Variants in VMP1 observed in about 807,000 individuals in gnomAD.
VMP1 encodes vacuole membrane protein 1, also known as ectopic P-granules autophagy protein 3 homolog.
VMP1 carries 11 observed loss-of-function variants against 56.0 expected under a neutral mutation model. The ratio of observed to expected loss-of-function variants is 0.20; its 90% confidence interval spans 0.12 to 0.32. The LOEUF is 0.32. Among genes scored for constraint, VMP1 ranks in the 10% least tolerant of loss-of-function variants. The pLI is 1.00. For missense variants in VMP1, 296 were observed against 490.3 expected (o/e 0.60, Z 3.74); for synonymous variants, 149 against 165.0 (o/e 0.90, Z 0.74).
chr17:59,782,725 A>T (rs2036867985), intron 7 of VMP1, among the ~76,000 whole-genome samples: 1 of 152,204 alleles, frequency 6.6e-6, no homozygotes, highest in African/African-American at 2.4e-5. Flanking sequence ...TGGAAATTTA[A>T]ATTTTAAGAT....
At chr17:59,792,121 T>C (rs2037253269) in intron 7 of VMP1, among the ~76,000 whole-genome samples, 1 of 151,914 alleles carries the variant, frequency 6.6e-6, no homozygotes, top group Non-Finnish European at 1.5e-5. Context: ...ACAAAAAAGT[T>C]AAAAAATTAA....
chr17:59,738,211 C>T (rs571554831), intron 4 of VMP1, among the ~76,000 whole-genome samples: 131 of 152,270 alleles, frequency 8.6e-4, no homozygotes, highest in African/African-American at 3.1e-3. Flanking sequence ...TTGATGATTA[C>T]GTTTTATTTG....
chr17:59,811,071 T>C (rs2038038007), intron 8 of VMP1, among the ~76,000 whole-genome samples: 2 of 152,250 alleles, frequency 1.3e-5, no homozygotes, highest in Non-Finnish European at 2.9e-5. Flanking sequence ...TTGTGTCACA[T>C]AGCCCTCAGA....
intron 10 of VMP1, among the ~76,000 whole-genome samples, chr17:59,822,902 CTCTG>C (rs1319224310): frequency 3.3e-5 from 5 of 151,938 alleles, no homozygotes; most frequent in East Asian, 3.9e-4. Flanking sequence ...CATAGTAAGA[CTCTG>C]TCTGTCTCTA....
At chr17:59,790,366 G>A (rs1360791460) in intron 7 of VMP1, among the ~76,000 whole-genome samples, 2 of 152,106 alleles carry the variant, frequency 1.3e-5, no homozygotes, top group African/African-American at 2.4e-5. Context: ...CCTGACATGG[G>A]TCTGCATCAA....
chr17:59,811,763 G>A lies in VMP1; in HGVS notation c.889G>A (p.Ala297Thr). The stretch of plus-strand genomic sequence containing the variant: ...CTTTGGTGCAACCCTAATTGGAAAA[G>A]CAATAATAAAAATGCATATCCAGGT... ...TFFGATLIGKAIIKMHIQKIF... is the reference protein window; with the variant it reads ...TFFGATLIGKTIIKMHIQKIF... Residue 297 changes from alanine (A) to threonine (T), a missense_variant, in exon 9 of 12, where the codon GCA becomes ACA. Transcript: ENST00000262291. 1 of 1,613,118 alleles carries A rather than the reference G, an allele frequency of 6.2e-7. No individual in the cohort carries two copies. The highest frequency in any genetic ancestry group is 8.5e-7 in the Non-Finnish European group (1 of 1,179,280).
At chr17:59,730,330 A>G (rs1238881754) in intron 1 of VMP1, among the ~76,000 whole-genome samples, 1 of 151,914 alleles carries the variant, frequency 6.6e-6, no homozygotes, top group Non-Finnish European at 1.5e-5. Flanking sequence ...CAGTGGTACA[A>G]TCATACCTCA....
chr17:59,809,332 T>C lies in VMP1; in HGVS notation c.795+456T>C, dbSNP rs1300959463. ...TTTTTTTTTTTTTTTTTTTTTTTTT[T>C]GAGACAAGAGTTTCACTTTTGTGGC... On this transcript the variant is annotated intron_variant, in intron 8 of 11. Transcript: ENST00000262291. 8.7e-4 allele frequency among the ~76,000 whole-genome samples: 68 copies of C among 78,308 alleles called. 1 individual carries two copies. The highest frequency in any genetic ancestry group is 4.7e-3 in the African/African-American group (64 of 13,484). 51.4% of individuals were successfully genotyped at this position (78,308 alleles called of 152,430 possible).
In VMP1 at chr17:59,735,515, T is replaced by TA. The variant is rs751571967; in HGVS notation, c.212+43dup. 1.9e-6 allele frequency: 3 copies of TA among 1,601,930 alleles called. No individual in the cohort carries two copies. The African/African-American group carries it at 4.0e-5, about 22-fold the overall frequency. ...CACTACCTTTTACATACACCTCATT[T>TA]ACTCATTTAAAAAATCCTCAGTAAT... On this transcript the variant is annotated intron_variant, in intron 3 of 11. Coordinates refer to ENST00000262291, the MANE Select transcript of VMP1 (RefSeq NM_030938.5).
chr17:59,805,092 A>G (rs1025265553), intron 7 of VMP1, among the ~76,000 whole-genome samples: 1 of 152,218 alleles, frequency 6.6e-6, no homozygotes, highest in Non-Finnish European at 1.5e-5. Context: ...TTTCCTTATA[A>G]TACATGCCAG....
At chr17:59,808,770 A>G (rs948744441) in intron 7 of VMP1, 26 bp from the exon 8 acceptor site, 1 of 1,586,182 alleles carries the variant, frequency 6.3e-7, no homozygotes. Context: ...CTTCTCATTA[A>G]TGTTTCTAAA....
chr17:59,833,682 C>T (rs2038888364), intron 10 of VMP1, among the ~76,000 whole-genome samples: 1 of 152,114 alleles, frequency 6.6e-6, no homozygotes, highest in Non-Finnish European at 1.5e-5. Flanking sequence ...ACTCTATCAG[C>T]TAAAATGTAT....
chr17:59,710,546 CTT>C (rs951005789), intron 1 of VMP1, among the ~76,000 whole-genome samples: 70 of 152,298 alleles, frequency 4.6e-4, no homozygotes, highest in African/African-American at 1.6e-3. Flanking sequence ...TATTTACAAA[CTT>C]TTTTTCCCTC....
chr17:59,765,901 T>G (rs1487112944), intron 6 of VMP1, among the ~76,000 whole-genome samples: 1 of 151,808 alleles, frequency 6.6e-6, no homozygotes, highest in Non-Finnish European at 1.5e-5. Flanking sequence ...ACTTTTAGAA[T>G]TTATCTAAGA....
intron 1 of VMP1, among the ~76,000 whole-genome samples, chr17:59,722,343 A>G (rs1336669045): frequency 6.6e-6 from 1 of 152,218 alleles, no homozygotes; most frequent in African/African-American, 2.4e-5. Context: ...GGAGATTTAT[A>G]TAGGCTAACT....
At chr17:59,714,552 G>A (rs989243820) in intron 1 of VMP1, among the ~76,000 whole-genome samples, 5 of 151,956 alleles carry the variant, frequency 3.3e-5, no homozygotes, top group African/African-American at 1.2e-4. Flanking sequence ...ATCTAGCAGG[G>A]AGAGTGGGGA....
At chr17:59,754,971 T>C (rs2035781806) in intron 5 of VMP1, among the ~76,000 whole-genome samples, 1 of 26,668 alleles carries the variant, frequency 3.7e-5, no homozygotes, top group Non-Finnish European at 7.0e-5. Context: ...TTAAACAATT[T>C]ATACTAGCCC....
intron 8 of VMP1, 92 bp downstream of exon 8, chr17:59,808,968 C>T: frequency 3.0e-6 from 3 of 990,650 alleles, no homozygotes; most frequent in Non-Finnish European, 3.0e-6. Flanking sequence ...AGTGCTATCA[C>T]TTTTATTGGG....
intron 7 of VMP1, among the ~76,000 whole-genome samples, chr17:59,778,654 C>T (rs1182494995): frequency 1.3e-5 from 2 of 152,030 alleles, no homozygotes; most frequent in African/African-American, 4.8e-5. Context: ...GGCATCCAGG[C>T]TTAATATTTA....
Sources: gnomAD v4.1 joint callset for allele counts (sites outside exome capture counted in the v4.1 genomes callset) on GRCh38, gnomAD v4.1.1 for gene constraint, MANE v1.5 for transcripts, NCBI Gene and HGNC (gene_info 2026-07-23, HGNC 2026-07-21) for gene names.